USP6: variants seen among roughly 807,000 people sequenced by gnomAD.
USP6 encodes the protein ubiquitin carboxyl-terminal hydrolase 6.
In USP6, 128 loss-of-function variants were observed where a neutral mutation model predicts 175.7. The ratio of observed to expected loss-of-function variants is 0.73; its 90% CI spans 0.63 to 0.84. USP6 has a LOEUF of 0.84. Among genes scored for constraint, USP6 ranks in the 40% least tolerant of loss-of-function variants. USP6 has a pLI of 0.00. For synonymous variants in USP6, 562 were observed against 630.6 expected (o/e 0.89, Z 1.63); for missense variants, 1,498 against 1,760.3 (o/e 0.85, Z 2.67).
intron 33 of USP6, among the ~76,000 whole-genome samples, chr17:5,163,562 G>A (rs913401034): frequency 6.6e-6 from 1 of 152,132 alleles, no homozygotes; most frequent in Admixed American, 6.5e-5. Context: ...TCCTAACAAC[G>A]CCACATTGGG....
At position 5,168,915 on chromosome 17, in the gene USP6, A is replaced by C. The variant is rs2074153914; in HGVS notation, c.3377A>C (p.Gln1126Pro). The change falls in exon 35 of 38, where the codon CAG becomes CCG. Residue 1126 changes from glutamine (Q) to proline (P), a missense_variant. This residue lies in a region of USP6 where 1,217 missense variants were observed against 1,500.8 expected (regional missense o/e 0.81). Transcript: ENST00000574788. ...TGCCAGCATAAACCACTCACACCCC[A>C]GGGGGATGAGCTCTCCAAGCCCAGG... ...ALCQHKPLTP[Q>P]GDELSKPRIL... The C allele has an allele frequency of 1.9e-6, 3 of 1,613,962 alleles. No individual in the cohort carries two copies. The South Asian group carries it at 3.3e-5, about 18-fold the overall frequency.
intron 37 of USP6, 45 bp from the exon 38 acceptor site, chr17:5,172,760 A>G: frequency 6.2e-7 from 1 of 1,609,004 alleles, no homozygotes; most frequent in Non-Finnish European, 8.5e-7. Flanking sequence ...ATTTAGAGTC[A>G]TAATAGTGAT....
chr17:5,141,323 C>G, intron 22 of USP6, 102 bp from the exon 23 acceptor site: 1 of 1,055,508 alleles, frequency 9.5e-7, no homozygotes. Context: ...TTAAAACTTC[C>G]GATTTAGGAA....
At chr17:5,134,052 G>C (rs2073172726) in intron 15 of USP6, 56 bp downstream of exon 15, 1 of 1,563,930 alleles carries the variant, frequency 6.4e-7, no homozygotes, top group Admixed American at 1.7e-5. Context: ...GAGAGGGATG[G>C]GGACTTCCCC....
At position 5,162,959 on chromosome 17, in the gene USP6, G is replaced by C. The variant is rs1165508728; in HGVS notation, c.2991G>C (p.Trp997Cys). The stretch of plus-strand genomic sequence containing the variant: ...GAAATGCCTATATTGCTGTGGATTG[G>C]CACCCCACAGCCCTTCACCTTCGCT... Reference protein sequence around the residue: ...FIGNAYIAVDWHPTALHLRYQ... With the variant: ...FIGNAYIAVDCHPTALHLRYQ... The change falls in exon 33 of 38, where the codon TGG (tryptophan) becomes TGC (cysteine). Residue 997 changes from tryptophan (W) to cysteine (C), a missense_variant. Trp to Cys is a radical substitution (Grantham distance 215). Around this residue, in one of 2 missense-constraint regions of USP6, gnomAD observed 1,217 missense variants for 1,500.8 expected, o/e 0.81. Transcript: ENST00000574788. 2 of 1,603,664 alleles carry C rather than the reference G, an allele frequency of 1.2e-6. No homozygotes were observed. Among genetic ancestry groups the C allele is most frequent in the African/African-American group, 2.7e-5 (2 of 74,290 alleles).
intron 28 of USP6, among the ~76,000 whole-genome samples, chr17:5,146,615 CAA>C (rs1402070686): frequency 6.6e-6 from 1 of 152,070 alleles, no homozygotes; most frequent in African/African-American, 2.4e-5. Context: ...AGAGTAAAGA[CAA>C]ATTGACACCA....
Position 5,139,468 on chromosome 17 carries a change from G to T in USP6, c.1292G>T (p.Gly431Val), listed in dbSNP as rs142493590. The T allele has an allele frequency of 6.8e-6, 11 of 1,613,196 alleles. No homozygotes were observed. Among genetic ancestry groups the T allele is most frequent in the Non-Finnish European group, 3.4e-6 (4 of 1,180,046 alleles). ...GACACGTACCCTGTGGGCACTCAGG[G>T]TGTGCCCAGCCTGGCCCTGGCTCAG... ...REDTYPVGTQGVPSLALAQGG... is the reference protein window; with the variant it reads ...REDTYPVGTQVVPSLALAQGG... Residue 431 changes from glycine (G) to valine (V), a missense_variant, in exon 22 of 38, where the codon GGT (glycine) becomes GTT (valine). By Grantham distance (109) the Gly-to-Val change is moderately radical. This residue lies in a region of USP6 where 1,217 missense variants were observed against 1,500.8 expected (regional missense o/e 0.81). Coordinates refer to ENST00000574788, the MANE Select transcript of USP6 (RefSeq NM_001304284.2).
In USP6 at chr17:5,145,427, G is replaced by T. The variant is rs761234251; in HGVS notation, c.2015G>T (p.Arg672Ile). 6 of 1,609,932 alleles carry T rather than the reference G, an allele frequency of 3.7e-6. No homozygotes were observed. The highest frequency in any genetic ancestry group is 5.1e-6 in the Non-Finnish European group (6 of 1,178,464). Residue 672 changes from arginine to isoleucine, a missense_variant, in exon 27 of 38, where the codon AGA becomes ATA. Physicochemically the swap from Arg to Ile is moderately conservative, Grantham distance 97 (BLOSUM62 -3). Transcript: ENST00000574788. Reference protein sequence around the residue: ...AAEAWDNHLRRNRSIIVDLFH... With the variant: ...AAEAWDNHLRINRSIIVDLFH... ...TAGGCCTGGGACAACCATCTAAGAA[G>T]AAATAGATCAATTATTGTGGATTTG...
At position 5,148,590 on chromosome 17, in the gene USP6, C is replaced by T. The variant is rs112931396; in HGVS notation, c.2466C>T (p.Phe822=). 2.5e-6 allele frequency: 4 copies of T among 1,613,960 alleles called. No homozygotes were observed. The highest frequency in any genetic ancestry group is 2.7e-5 in the African/African-American group (2 of 75,046). Residue 822 remains phenylalanine (F), a synonymous_variant, in exon 30 of 38, where the codon TTC becomes TTT. Transcript: ENST00000574788. ...FSSSPSTNGM[F]TLTTNGDLPK... Reference sequence around the variant, plus strand: ...CTTCACCATCTACAAATGGAATGTTCACCCTAACTACCAATGGGGACCTAC... The same window carrying T: ...CTTCACCATCTACAAATGGAATGTTTACCCTAACTACCAATGGGGACCTAC...
intron 33 of USP6, among the ~76,000 whole-genome samples, chr17:5,165,847 T>C (rs1429997612): frequency 2.0e-5 from 3 of 152,228 alleles, no homozygotes; most frequent in Non-Finnish European, 2.9e-5. Context: ...TACTGATAAA[T>C]AGAAATTACT....
intron 25 of USP6, among the ~76,000 whole-genome samples, chr17:5,144,264 T>C (rs1420336889): frequency 1.3e-5 from 2 of 151,822 alleles, no homozygotes; most frequent in Non-Finnish European, 2.9e-5. Flanking sequence ...ATACATGCTA[T>C]GTATTATTAT....
At position 5,170,722 on chromosome 17, in the gene USP6, C is replaced by T. The variant is rs150686921; in HGVS notation, c.3761C>T (p.Pro1254Leu). 62 of 1,613,978 alleles carry T rather than the reference C, an allele frequency of 3.8e-5. No individual in the cohort carries two copies. The African/African-American group carries it at 6.9e-4, about 18-fold the overall frequency. The change falls in exon 36 of 38, where the codon CCA becomes CTA. Residue 1254 changes from proline (P) to leucine (L), a missense_variant. Transcript: ENST00000574788. ...GGGCATATGCGGGGGGGCAGCCAAC[C>T]AGAGCTGGTCACTCCTCAGGACCAT... ...SRGHMRGGSQ[P>L]ELVTPQDHEV...
intron 30 of USP6, among the ~76,000 whole-genome samples, chr17:5,149,265 T>G (rs974538260): frequency 7.2e-5 from 11 of 152,144 alleles, no homozygotes; most frequent in African/African-American, 2.4e-4. Flanking sequence ...TAGCTGGGCA[T>G]GGTGGCATGC....
chr17:5,166,163 G>T (rs533583679), intron 33 of USP6, among the ~76,000 whole-genome samples: 45 of 152,166 alleles, frequency 3.0e-4, no homozygotes, highest in African/African-American at 1.1e-3. Context: ...CAGTTCAAAA[G>T]ATGATGACAG....
Position 5,169,127 on chromosome 17 carries a change from G to A in USP6, c.3517+72G>A. The A allele has an allele frequency of 2.7e-6, 4 of 1,456,846 alleles. No individual in the cohort carries two copies. The East Asian group carries it at 9.6e-5, about 35-fold the overall frequency. 90.2% of individuals were successfully genotyped at this position (1,456,846 alleles called of 1,614,324 possible). A position where few individuals can be genotyped will look rare whatever the true frequency, so the allele number is the denominator to read the frequency against. ...GGCTACATATGTTTCTCTGTCTTCT[G>A]TTCTGGAACATCAGGTTGGTTGGGT... On this transcript the variant is annotated intron_variant, in intron 35 of 37. Transcript: ENST00000574788.
chr17:5,171,729 G>C, intron 37 of USP6, 50 bp downstream of exon 37: 1 of 1,566,672 alleles, frequency 6.4e-7, no homozygotes, highest in East Asian at 2.3e-5. Context: ...ACAGAACTGG[G>C]GAACATTTGT....
intron 1 of USP6, among the ~76,000 whole-genome samples, chr17:5,116,986 C>T (rs1181318644): frequency 1.3e-5 from 2 of 152,196 alleles, no homozygotes; most frequent in Non-Finnish European, 2.9e-5. Context: ...TGGGGAACTG[C>T]AGAGAGTTCA....
intron 3 of USP6, 34 bp downstream of exon 3, chr17:5,120,822 TGTGGGCACATGTGCTGC>T (rs2072637743): frequency 2.2e-6 from 1 of 453,232 alleles, no homozygotes; most frequent in Non-Finnish European, 4.4e-6. Flanking sequence ...TGTGCACACA[TGTGGGCACATGTGCTGC>T]ATGCTGGTGC....
chr17:5,152,178 G>A (rs1384113748), intron 30 of USP6, among the ~76,000 whole-genome samples: 1 of 151,022 alleles, frequency 6.6e-6, no homozygotes, highest in Non-Finnish European at 1.5e-5. Context: ...AGAGGCAGAG[G>A]TTGCAGTGGG....
Sources: allele counts gnomAD v4.1 joint callset (sites outside exome capture counted in the v4.1 genomes callset), GRCh38; gene constraint gnomAD v4.1.1; regional missense constraint gnomAD v4.1.1; transcripts MANE v1.5; gene names NCBI Gene and HGNC (gene_info 2026-07-23, HGNC 2026-07-21).